The following LY75 variants were observed in gnomAD, a reference collection of about 807,000 sequenced individuals.
LY75 encodes C-type lectin domain family 13 member B.
A neutral mutation model predicts 231.7 loss-of-function variants in LY75; 185 were observed. The ratio of observed to expected loss-of-function variants is 0.80; its 90% confidence interval spans 0.71 to 0.90. LY75 has a LOEUF of 0.90. Among genes scored for constraint, LY75 ranks in the 40% least tolerant of loss-of-function variants. The pLI is 0.00. For synonymous variants in LY75, 668 were observed against 689.0 expected, an observed-to-expected ratio of 0.97 and a Z score of 0.48; for missense variants, 1,947 against 2,050.2, an observed-to-expected ratio of 0.95 and a Z score of 0.97.
At chr2:159,897,190 A>C (rs1685930214) in intron 2 of LY75, among the ~76,000 whole-genome samples, 1 of 152,206 alleles carries the variant, frequency 6.6e-6, no homozygotes, top group African/African-American at 2.4e-5. Flanking sequence ...GATTACAACT[A>C]TGCCCCTCAA....
At chr2:159,809,460 A>G (rs2125827068) in intron 32 of LY75, among the ~76,000 whole-genome samples, 1 of 152,328 alleles carries the variant, frequency 6.6e-6, no homozygotes, top group South Asian at 2.1e-4. Context: ...TGGTGAGGCT[A>G]AGCTTATGTA....
intron 33 of LY75, chr2:159,807,943 C>G: frequency 1.0e-6 from 1 of 972,168 alleles, no homozygotes; most frequent in Non-Finnish European, 1.2e-6. Flanking sequence ...GCTGCAATTA[C>G]TTTCACACCA....
At chr2:159,874,848 A>ATATATATATTTTGTAAATATATGT (rs1560094273) in intron 12 of LY75, among the ~76,000 whole-genome samples, 2 of 80,094 alleles carry the variant, frequency 2.5e-5, no homozygotes, top group African/African-American at 4.1e-5. Flanking sequence ...AATATATGTA[A>ATATATATATTTTGTAAATATATGT]ATATATATAT....
rs1329673985 is a variant in LY75 at position 159,842,338 on chromosome 2, T to C, written c.3187A>G (p.Ile1063Val). The change falls in exon 24 of 35, where the codon ATA (isoleucine) becomes GTA (valine). Residue 1063 changes from isoleucine to valine, a missense_variant. Physicochemically the swap from Ile to Val is conservative, Grantham distance 29. Transcript: ENST00000263636. ...EEESRYHCALILNLQKSPFTG... is the reference protein window; with the variant it reads ...EEESRYHCALVLNLQKSPFTG... ...AACGGTGATTTTTGGAGGTTGAGTA[T>C]TAGGGCACAGTGGTAGCGAGACTCT... is the stretch of plus-strand genomic sequence containing the variant. 29 of 1,612,494 alleles carry C rather than the reference T, an allele frequency of 1.8e-5. No homozygotes were observed. The highest frequency in any genetic ancestry group is 2.2e-5 in the Non-Finnish European group (26 of 1,179,064).
chr2:159,879,448 GAC>G, intron 8 of LY75, 79 bp from the exon 9 acceptor site: 1 of 1,550,076 alleles, frequency 6.5e-7, no homozygotes, highest in Non-Finnish European at 8.7e-7. Context: ...CAAAAACTAT[GAC>G]AGAGACAGAG....
At position 159,853,309 on chromosome 2, in the gene LY75, C is replaced by T; in HGVS notation, c.2707G>A (p.Glu903Lys). 6.2e-7 allele frequency: 1 copy of T among 1,613,428 alleles called. No individual in the cohort carries two copies. The stretch of plus-strand genomic sequence containing the variant: ...GTCTTGGCAGACATGTACAAGCATT[C>T]CTCTCCAAATGTCACAGGAAAGCGG... ...WHRFPVTFGE[E>K]CLYMSAKTWL... Residue 903 changes from glutamate to lysine, a missense_variant, in exon 20 of 35, where the codon GAA becomes AAA. Physicochemically the swap from Glu to Lys is moderately conservative, Grantham distance 56 (BLOSUM62 1). Coordinates refer to ENST00000263636, the MANE Select transcript of LY75 (RefSeq NM_002349.4).
chr2:159,815,463 C>A lies in LY75; in HGVS notation c.4491G>T (p.Trp1497Cys). Reference protein sequence around the residue: ...NCVLLDPKGTWKHEKCNSVKD... With the variant: ...NCVLLDPKGTCKHEKCNSVKD... ...TAACAGAGTTGCATTTTTCATGTTT[C>A]CAAGTTCCTTTTGGATCCAAGAGAA... Residue 1497 changes from tryptophan to cysteine, a missense_variant, in exon 31 of 35, where the codon TGG becomes TGT. Physicochemically the swap from Trp to Cys is radical, Grantham distance 215. Transcript: ENST00000263636. 6.2e-7 allele frequency: 1 copy of A among 1,613,202 alleles called. No individual in the cohort carries two copies. The highest frequency in any genetic ancestry group is 1.7e-4 in the Middle Eastern group (1 of 6,058).
chr2:159,807,287 A>C, intron 33 of LY75, 147 bp from the exon 34 acceptor site: 1 of 1,035,110 alleles, frequency 9.7e-7, no homozygotes, highest in Non-Finnish European at 1.3e-6. Flanking sequence ...AAAAAATAAA[A>C]TCAGTTCTTC....
chr2:159,847,789 T>C (rs1560079001), intron 23 of LY75, among the ~76,000 whole-genome samples: 1 of 152,070 alleles, frequency 6.6e-6, no homozygotes, highest in African/African-American at 2.4e-5. Context: ...AAGTTGGTAA[T>C]CAGAGCTTTA....
At chr2:159,902,041 A>ATATAT (rs1686098699) in intron 1 of LY75, among the ~76,000 whole-genome samples, 2 of 152,230 alleles carry the variant, frequency 1.3e-5, no homozygotes. Context: ...TCCCTTATTT[A>ATATAT]GAAAATTTGG....
chr2:159,879,362 T>C lies in LY75; in HGVS notation c.1412A>G (p.Gln471Arg), dbSNP rs201445960. 4.6e-5 allele frequency: 74 copies of C among 1,612,746 alleles called. No individual in the cohort carries two copies. The highest frequency in any genetic ancestry group is 2.5e-4 in the African/African-American group (19 of 74,862). Residue 471 changes from glutamine (Q) to arginine (R), a missense_variant, in exon 9 of 35, where the codon CAG becomes CGG. By Grantham distance (43) the Gln-to-Arg change is conservative. Coordinates refer to ENST00000263636, the MANE Select transcript of LY75 (RefSeq NM_002349.4). ...CTCCTCACATGATTGGACTTTCCAC[T>C]GACCTAGCTTTGAAAGGAGACAAAA... ...NCVSYLGELG[Q>R]WKVQSCEEKL... is the part of the protein sequence containing the mutation.
intron 14 of LY75, 136 bp downstream of exon 14, chr2:159,864,703 C>T: frequency 2.4e-6 from 2 of 835,160 alleles, no homozygotes; most frequent in Non-Finnish European, 3.4e-6. Flanking sequence ...TCTTTTTGCT[C>T]AAGATTTCTT....
intron 14 of LY75, 151 bp from the exon 15 acceptor site, chr2:159,861,040 C>T (rs1038612585): frequency 4.2e-6 from 3 of 716,214 alleles, no homozygotes; most frequent in African/African-American, 3.6e-5. Context: ...GATGCTAAAT[C>T]ATGAGAGGAC....
At chr2:159,871,761 A>C (rs1052906095) in intron 13 of LY75, 1 of 152,122 alleles carries the variant, frequency 6.6e-6, no homozygotes, top group Non-Finnish European at 1.5e-5. Context: ...CTGAGGTCAG[A>C]AGTTCGAGAC....
chr2:159,814,213 G>C (rs1255730653), intron 31 of LY75, among the ~76,000 whole-genome samples: 1 of 152,152 alleles, frequency 6.6e-6, no homozygotes, highest in African/African-American at 2.4e-5. Context: ...TCTTCCTCAA[G>C]GTTCATGCTT....
At chr2:159,823,263 T>A (rs779713004) in intron 28 of LY75, among the ~76,000 whole-genome samples, 13 of 152,080 alleles carry the variant, frequency 8.5e-5, no homozygotes, top group Non-Finnish European at 1.3e-4. Flanking sequence ...AGTGACCTGA[T>A]GGAGCTGAAA....
chr2:159,840,843 A>G lies in LY75; in HGVS notation c.3393T>C (p.Cys1131=). Reference sequence around the variant, plus strand: ...TCACCAGCTGCATGTTACTTTTCAGACACTCCCTTTTAGCACTGTGCCAAG... The same window carrying G: ...TCACCAGCTGCATGTTACTTTTCAGGCACTCCCTTTTAGCACTGTGCCAAG... ...TLTWHSAKRE[C]LKSNMQLVSI... is the part of the protein sequence containing the mutation. Residue 1131 remains cysteine (C), a synonymous_variant, in exon 25 of 35, where the codon TGT becomes TGC. Transcript: ENST00000263636. The G allele has an allele frequency of 6.2e-7, 1 of 1,614,040 alleles. No homozygotes were observed. The highest frequency in any genetic ancestry group is 2.2e-5 in the East Asian group (1 of 44,882).
At position 159,869,697 on chromosome 2, in the gene LY75, A is replaced by T. The variant is rs927822932; in HGVS notation, c.2117+2754T>A. ...GAATGCTGCCACAGAACACTGCCAC[A>T]TCTGCTTCAAGTAAATCTGTGCAAG... On this transcript the variant is annotated intron_variant, in intron 13 of 34. Transcript: ENST00000263636. Among the ~76,000 whole-genome samples the T allele has an allele frequency of 2.6e-5, 4 of 152,334 alleles. 1 individual carries two copies. In the South Asian group the frequency reaches 8.3e-4, roughly 32 times the overall value.
intron 8 of LY75, 30 bp from the exon 9 acceptor site, chr2:159,879,399 GAAAGGA>G: frequency 6.2e-7 from 1 of 1,610,940 alleles, no homozygotes; most frequent in Non-Finnish European, 8.5e-7. Context: ...CATTTGCTTG[GAAAGGA>G]AATTATTTAC....
Sources: allele counts gnomAD v4.1 joint callset (sites outside exome capture counted in the v4.1 genomes callset), GRCh38; gene constraint gnomAD v4.1.1; transcripts MANE v1.5; gene names NCBI Gene and HGNC (gene_info 2026-07-23, HGNC 2026-07-21).